The following ARHGAP21 variants were observed in gnomAD, a reference collection of about 807,000 sequenced individuals.
ARHGAP21 encodes the protein rho GTPase-activating protein 21.
In ARHGAP21, 38 loss-of-function variants were observed where a neutral mutation model predicts 164.6. That is an observed-to-expected ratio of 0.23 (90% CI 0.18 to 0.30). The LOEUF (loss-of-function observed/expected upper bound fraction) is 0.30. ARHGAP21 is among the 10% of genes least tolerant of loss of function. The pLI, the probability that ARHGAP21 is intolerant of heterozygous loss-of-function variation, is 1.00. For missense variants in ARHGAP21, 1,822 were observed against 2,370.7 expected, an observed-to-expected ratio of 0.77 and a Z score of 4.81; for synonymous variants, 766 against 857.9, an observed-to-expected ratio of 0.89 and a Z score of 1.87.
chr10:24,682,091 T>G (rs1440743365), intron 2 of ARHGAP21, among the ~76,000 whole-genome samples: 1 of 151,822 alleles, frequency 6.6e-6, no homozygotes, highest in Non-Finnish European at 1.5e-5. Context: ...ACCAGCCACA[T>G]AGTACACGCA....
chr10:24,678,048 GC>G (rs1398462796), intron 2 of ARHGAP21, among the ~76,000 whole-genome samples: 1 of 151,720 alleles, frequency 6.6e-6, no homozygotes, highest in Non-Finnish European at 1.5e-5. Flanking sequence ...GGCAGCTTGA[GC>G]CCAGGAGTTC....
At position 24,675,601 on chromosome 10, in the gene ARHGAP21, A is replaced by G. The variant is rs1469480831; in HGVS notation, c.64-5204T>C. Among the ~76,000 whole-genome samples, 3 of 152,196 alleles carry G rather than the reference A, an allele frequency of 2.0e-5. No individual in the cohort carries two copies. In the East Asian group the frequency reaches 5.8e-4, roughly 29 times the overall value. On this transcript the variant is annotated intron_variant, in intron 2 of 25. Transcript: ENST00000396432. Reference sequence around the variant, plus strand: ...CATACCTCAATAAAGACATTTAAACAAAAGAAGCAGCAATAGGATGCTTAT... The same window carrying G: ...CATACCTCAATAAAGACATTTAAACGAAAGAAGCAGCAATAGGATGCTTAT...
At chr10:24,697,793 G>A (rs1238363161) in intron 2 of ARHGAP21, among the ~76,000 whole-genome samples, 1 of 152,122 alleles carries the variant, frequency 6.6e-6, no homozygotes, top group Admixed American at 6.6e-5. Context: ...CTGAGAGGCA[G>A]AGGTTGCAGT....
At chr10:24,596,517 A>G in intron 17 of ARHGAP21, 4 of 608,510 alleles carry the variant, frequency 6.6e-6, no homozygotes, top group Non-Finnish European at 1.1e-5. Flanking sequence ...CTTACAGACC[A>G]TTTCAGACAA....
In ARHGAP21 at chr10:24,667,888, G is replaced by A. The variant is rs901927516; in HGVS notation, c.244-879C>T. Reference sequence around the variant, plus strand: ...TATACAATATTAAAATTTTTAATTCGTTTGAAGTGAATTTATAAAATTTCA... The same window carrying A: ...TATACAATATTAAAATTTTTAATTCATTTGAAGTGAATTTATAAAATTTCA... On this transcript the variant is annotated intron_variant, in intron 3 of 25. Coordinates refer to ENST00000396432, the MANE Select transcript of ARHGAP21 (RefSeq NM_020824.4). Among the ~76,000 whole-genome samples, 10 of 151,666 alleles carry A rather than the reference G, an allele frequency of 6.6e-5. No homozygotes were observed. In the South Asian group the frequency reaches 1.2e-3, roughly 19 times the overall value.
chr10:24,619,491 C>A lies in ARHGAP21; in HGVS notation c.2404G>T (p.Ala802Ser). The part of the protein sequence containing the change: ...SSTSPPGDSL[A>S]SIPFIDEPTS... ...AGCTCACCTATAAATGGGATGGAAGCCAAAGAATCGCCAGGCGGACTGGTA... is the reference window on the plus strand; with the variant it reads ...AGCTCACCTATAAATGGGATGGAAGACAAAGAATCGCCAGGCGGACTGGTA... Residue 802 changes from alanine to serine, a missense_variant, in exon 9 of 26, where the codon GCT becomes TCT. Transcript: ENST00000396432. 1 of 1,613,814 alleles carries A rather than the reference C, an allele frequency of 6.2e-7. No individual in the cohort carries two copies. Among genetic ancestry groups the A allele is most frequent in the Non-Finnish European group, 8.5e-7 (1 of 1,179,926 alleles).
At chr10:24,668,818 T>C (rs1021316823) in intron 3 of ARHGAP21, among the ~76,000 whole-genome samples, 1 of 152,164 alleles carries the variant, frequency 6.6e-6, no homozygotes, top group African/African-American at 2.4e-5. Context: ...TTTCCAATAA[T>C]AATAATACAT....
Position 24,722,025 on chromosome 10 carries a change from G to A in ARHGAP21, c.-126C>T. 1 of 979,032 alleles carries A rather than the reference G, an allele frequency of 1.0e-6. No homozygotes were observed. The highest frequency in any genetic ancestry group is 1.4e-5 in the South Asian group (1 of 71,974). The allele number at this position is 979,032 out of a possible 1,614,324, so 60.6% of individuals were successfully genotyped here. A position where few individuals can be genotyped will look rare whatever the true frequency, so the allele number is the denominator to read the frequency against. Reference sequence around the variant, plus strand: ...GGCTCCGAGGAGGGGCAGGGCTGTTGAAACAGACAACGTGCCAGGGAATAA... The same window carrying A: ...GGCTCCGAGGAGGGGCAGGGCTGTTAAAACAGACAACGTGCCAGGGAATAA... On this transcript the variant is annotated 5_prime_UTR_variant, in exon 2 of 26. Coordinates refer to ENST00000396432, the MANE Select transcript of ARHGAP21 (RefSeq NM_020824.4).
chr10:24,596,553 A>T (rs2076588804), intron 17 of ARHGAP21, 187 bp downstream of exon 17: 1 of 693,456 alleles, frequency 1.4e-6, no homozygotes. Context: ...ATAATTATTC[A>T]ATTTCGGAGT....
At chr10:24,615,479 T>C (rs905459271) in intron 9 of ARHGAP21, among the ~76,000 whole-genome samples, 2 of 152,202 alleles carry the variant, frequency 1.3e-5, no homozygotes, top group East Asian at 1.9e-4. Flanking sequence ...GAGCTAATAA[T>C]AGTCGGCATA....
intron 4 of ARHGAP21, 43 bp from the exon 5 acceptor site, chr10:24,635,146 TTTACTAAAATA>T: frequency 8.0e-7 from 1 of 1,256,266 alleles, no homozygotes; most frequent in Non-Finnish European, 1.1e-6. Context: ...TTCACAATAC[TTTACTAAAATA>T]CCTAAATATA....
At chr10:24,604,823 A>G (rs974364390) in intron 11 of ARHGAP21, among the ~76,000 whole-genome samples, 2 of 152,194 alleles carry the variant, frequency 1.3e-5, no homozygotes, top group Admixed American at 6.5e-5. Context: ...AGTTACAGAC[A>G]GTCCTGGCCC....
intron 11 of ARHGAP21, 32 bp downstream of exon 11, chr10:24,607,467 C>A: frequency 6.3e-7 from 1 of 1,586,582 alleles, no homozygotes; most frequent in Non-Finnish European, 8.6e-7. Context: ...CACCCACATA[C>A]AAATATTTAA....
At chr10:24,659,104 T>C (rs1593200369) in intron 4 of ARHGAP21, among the ~76,000 whole-genome samples, 1 of 152,300 alleles carries the variant, frequency 6.6e-6, no homozygotes, top group East Asian at 1.9e-4. Flanking sequence ...AGAAATGGTA[T>C]AGCCACTGTG....
intron 11 of ARHGAP21, among the ~76,000 whole-genome samples, chr10:24,605,136 G>A (rs1037274199): frequency 6.6e-6 from 1 of 152,062 alleles, no homozygotes; most frequent in Non-Finnish European, 1.5e-5. Flanking sequence ...CTGTAACTCT[G>A]AACTATACCA....
chr10:24,645,131 C>A (rs1194929446), intron 4 of ARHGAP21, among the ~76,000 whole-genome samples: 2 of 152,224 alleles, frequency 1.3e-5, no homozygotes, highest in Non-Finnish European at 2.9e-5. Flanking sequence ...ATCCTAAAAT[C>A]TTTCAACCAA....
intron 4 of ARHGAP21, among the ~76,000 whole-genome samples, chr10:24,641,734 G>A (rs1473782798): frequency 3.9e-5 from 6 of 152,224 alleles, no homozygotes; most frequent in East Asian, 1.9e-4. Flanking sequence ...GGTGGCTCAC[G>A]CCTGTAATCC....
At chr10:24,662,296 G>C (rs1839776047) in intron 4 of ARHGAP21, among the ~76,000 whole-genome samples, 1 of 151,914 alleles carries the variant, frequency 6.6e-6, no homozygotes, top group South Asian at 2.1e-4. Flanking sequence ...AATGAGGAAG[G>C]GACTTAAAAA....
chr10:24,636,782 G>A (rs151295762), intron 4 of ARHGAP21, among the ~76,000 whole-genome samples: 7 of 152,292 alleles, frequency 4.6e-5, no homozygotes, highest in Non-Finnish European at 7.4e-5. Flanking sequence ...TTTTAGAAGC[G>A]AGTAGACATC....
Sources: allele counts gnomAD v4.1 joint callset (sites outside exome capture counted in the v4.1 genomes callset), GRCh38; gene constraint gnomAD v4.1.1; transcripts MANE v1.5; gene names NCBI Gene and HGNC (gene_info 2026-07-23, HGNC 2026-07-21).